The following SCAPER variants were observed in gnomAD, a reference collection of about 807,000 sequenced individuals.
SCAPER encodes S-phase cyclin A associated protein in the ER, also known as S phase cyclin A-associated protein in the endoplasmic reticulum.
SCAPER carries 98 observed loss-of-function variants against 182.2 expected under a neutral mutation model. The ratio of observed to expected loss-of-function variants is 0.54; its 90% CI spans 0.46 to 0.64. The LOEUF (loss-of-function observed/expected upper bound fraction) is 0.64, where lower values mean the gene tolerates loss of function less well. Ranked by LOEUF, SCAPER falls within the 30% of genes least tolerant of loss-of-function variation. SCAPER has a pLI of 0.00. For synonymous variants in SCAPER, 605 were observed against 564.6 expected, an observed-to-expected ratio of 1.07 and a Z score of -1.01; for missense variants, 1,432 against 1,690.0, an observed-to-expected ratio of 0.85 and a Z score of 2.68.
chr15:76,778,097 T>C (rs1208918035), intron 8 of SCAPER, among the ~76,000 whole-genome samples: 2 of 152,208 alleles, frequency 1.3e-5, no homozygotes, highest in Non-Finnish European at 2.9e-5. Flanking sequence ...TGAATGCATA[T>C]TGCTATCACA....
chr15:76,607,304 G>C (rs1194547301), intron 22 of SCAPER, among the ~76,000 whole-genome samples: 4 of 152,142 alleles, frequency 2.6e-5, no homozygotes, highest in Admixed American at 1.3e-4. Context: ...ATGAAATTCT[G>C]GGTTGAAAAT....
At chr15:76,511,946 G>C in intron 23 of SCAPER, among the ~76,000 whole-genome samples, 1 of 149,326 alleles carries the variant, frequency 6.7e-6, no homozygotes, top group East Asian at 2.0e-4. Flanking sequence ...GCAATGGCGT[G>C]ATCTCGGCTC....
At chr15:76,472,918 T>G (rs1208208493) in intron 24 of SCAPER, among the ~76,000 whole-genome samples, 1 of 152,174 alleles carries the variant, frequency 6.6e-6, no homozygotes, top group East Asian at 1.9e-4. Context: ...ATCTTCAACA[T>G]AGACTTAACT....
At chr15:76,791,141 G>A (rs1266605608) in intron 8 of SCAPER, among the ~76,000 whole-genome samples, 1 of 152,186 alleles carries the variant, frequency 6.6e-6, no homozygotes, top group Non-Finnish European at 1.5e-5. Context: ...ATCCCACTGT[G>A]ATCAGCAACA....
intron 23 of SCAPER, among the ~76,000 whole-genome samples, chr15:76,521,182 A>G (rs1477033389): frequency 6.6e-6 from 1 of 152,202 alleles, no homozygotes; most frequent in African/African-American, 2.4e-5. Flanking sequence ...ATACTATTAG[A>G]TGAGACAAAG....
intron 24 of SCAPER, among the ~76,000 whole-genome samples, chr15:76,498,910 T>C (rs2040854978): frequency 6.6e-6 from 1 of 152,214 alleles, no homozygotes; most frequent in Non-Finnish European, 1.5e-5. Context: ...AGCATGGATT[T>C]ACTATAGGCA....
chr15:76,357,190 C>CACACACA (rs1364364928), intron 29 of SCAPER, among the ~76,000 whole-genome samples: 6 of 40,214 alleles, frequency 1.5e-4, no homozygotes, highest in Non-Finnish European at 4.0e-4. Flanking sequence ...ACACACACAC[C>CACACACA]CCTATGGCCA....
intron 4 of SCAPER, chr15:76,855,807 T>TA (rs1414200616): frequency 2.5e-6 from 1 of 404,424 alleles, no homozygotes; most frequent in Non-Finnish European, 5.1e-6. Flanking sequence ...AGAGAATACT[T>TA]ACACGCTATT....
intron 17 of SCAPER, among the ~76,000 whole-genome samples, chr15:76,712,808 A>C (rs988639862): frequency 2.0e-5 from 3 of 151,784 alleles, no homozygotes; most frequent in Non-Finnish European, 2.9e-5. Context: ...GACTTTGCTG[A>C]AGTTGCTTAT....
At chr15:76,582,664 G>A (rs1272594593) in intron 22 of SCAPER, among the ~76,000 whole-genome samples, 4 of 152,028 alleles carry the variant, frequency 2.6e-5, no homozygotes, top group Admixed American at 6.6e-5. Flanking sequence ...CAAAAAGAAC[G>A]AAACAGAAGG....
At chr15:76,584,028 T>C (rs2048453255) in intron 22 of SCAPER, among the ~76,000 whole-genome samples, 2 of 151,938 alleles carry the variant, frequency 1.3e-5, no homozygotes, top group Non-Finnish European at 2.9e-5. Flanking sequence ...TAAATGTCCA[T>C]CAAGAGATAA....
At chr15:76,784,627 T>G (rs1463978162) in intron 8 of SCAPER, among the ~76,000 whole-genome samples, 1 of 152,164 alleles carries the variant, frequency 6.6e-6, no homozygotes, top group Non-Finnish European at 1.5e-5. Flanking sequence ...ACTACCTGAC[T>G]TCAAACTATA....
intron 29 of SCAPER, among the ~76,000 whole-genome samples, chr15:76,358,835 C>T (rs766867550): frequency 6.6e-6 from 1 of 152,242 alleles, no homozygotes; most frequent in Admixed American, 6.5e-5. Flanking sequence ...TAACCAGGTG[C>T]ACTTCAGAGT....
intron 5 of SCAPER, among the ~76,000 whole-genome samples, chr15:76,815,808 T>C (rs1468877987): frequency 6.6e-6 from 1 of 152,156 alleles, no homozygotes; most frequent in African/African-American, 2.4e-5. Flanking sequence ...AAACTACCCC[T>C]GCCACACCGA....
intron 17 of SCAPER, among the ~76,000 whole-genome samples, chr15:76,707,530 TA>T (rs1364953651): frequency 6.6e-6 from 1 of 152,160 alleles, no homozygotes. Flanking sequence ...TAAAGAGGAA[TA>T]TTTTATAATG....
chr15:76,820,071 T>C (rs1461118339), intron 5 of SCAPER, among the ~76,000 whole-genome samples: 1 of 152,054 alleles, frequency 6.6e-6, no homozygotes, highest in East Asian at 1.9e-4. Flanking sequence ...ATGGTGATCA[T>C]TAAAAAGTCA....
At chr15:76,459,749 G>C (rs2049014444) in intron 25 of SCAPER, among the ~76,000 whole-genome samples, 1 of 152,032 alleles carries the variant, frequency 6.6e-6, no homozygotes, top group Admixed American at 6.6e-5. Flanking sequence ...TCTTTGCCTA[G>C]ACTAATGTCC....
intron 24 of SCAPER, among the ~76,000 whole-genome samples, chr15:76,501,736 G>A (rs1434156801): frequency 6.6e-6 from 1 of 152,246 alleles, no homozygotes; most frequent in African/African-American, 2.4e-5. Context: ...AAGGTTCATG[G>A]AGTTGAGGGG....
chr15:76,578,522 T>A (rs2048026558), intron 22 of SCAPER, among the ~76,000 whole-genome samples: 1 of 152,202 alleles, frequency 6.6e-6, no homozygotes, highest in South Asian at 2.1e-4. Flanking sequence ...AGAGACTCCA[T>A]TTGTTTGGGA....
Sources: gnomAD v4.1 joint callset for allele counts (sites outside exome capture counted in the v4.1 genomes callset) on GRCh38, gnomAD v4.1.1 for gene constraint, MANE v1.5 for transcripts, NCBI Gene and HGNC (gene_info 2026-07-23, HGNC 2026-07-21) for gene names.